MARCHF1: variants seen among roughly 807,000 people sequenced by gnomAD.
MARCHF1 encodes membrane associated ring-CH-type finger 1.
Under a neutral mutation model 54.2 loss-of-function variants are expected in MARCHF1, and 40 were observed. The ratio of observed to expected loss-of-function variants is 0.74; its 90% CI spans 0.57 to 0.96. The LOEUF is 0.96. Ranked by LOEUF, MARCHF1 falls within the 40% of genes least tolerant of loss-of-function variation. The probability of loss-of-function intolerance (pLI) is 0.00; values close to 1 mark genes in which losing one functional copy is unlikely to be tolerated. For missense variants in MARCHF1, 586 were observed against 656.5 expected (o/e 0.89, Z 1.17); for synonymous variants, 236 against 236.3 (o/e 1.00, Z 0.01).
chr4:163,742,402 C>T, intron 4 of MARCHF1, among the ~76,000 whole-genome samples: 1 of 87,394 alleles, frequency 1.1e-5, no homozygotes, highest in Non-Finnish European at 2.3e-5. Context: ...TTCCTCCCTT[C>T]CTTCCTTCCT....
intron 1 of MARCHF1, among the ~76,000 whole-genome samples, chr4:164,205,459 A>ATG (rs1731579851): frequency 6.6e-6 from 1 of 152,186 alleles, no homozygotes; most frequent in Non-Finnish European, 1.5e-5. Flanking sequence ...GCTACTATAA[A>ATG]CAGTTTTGCT....
intron 1 of MARCHF1, among the ~76,000 whole-genome samples, chr4:164,173,603 A>G (rs1730584908): frequency 6.6e-6 from 1 of 152,184 alleles, no homozygotes; most frequent in South Asian, 2.1e-4. Context: ...GCTTGGCACC[A>G]TCCTCACAGT....
chr4:164,170,242 C>T (rs938679668), intron 1 of MARCHF1, among the ~76,000 whole-genome samples: 1 of 152,050 alleles, frequency 6.6e-6, no homozygotes, highest in Non-Finnish European at 1.5e-5. Flanking sequence ...AAGAGTTGAA[C>T]TACACTGTCA....
intron 3 of MARCHF1, among the ~76,000 whole-genome samples, chr4:163,927,742 T>C (rs1045048991): frequency 1.1e-4 from 16 of 151,822 alleles, no homozygotes. Flanking sequence ...TGGTAAAATG[T>C]AAAATGCACC....
At chr4:164,286,730 T>TAAGCAG (rs1247352046) in intron 1 of MARCHF1, among the ~76,000 whole-genome samples, 1 of 149,288 alleles carries the variant, frequency 6.7e-6, no homozygotes, top group African/African-American at 2.4e-5. Context: ...TATATTTTTA[T>TAAGCAG]ATAATAAATC....
intron 1 of MARCHF1, among the ~76,000 whole-genome samples, chr4:164,143,778 A>C (rs372307710): frequency 0.014 from 2,074 of 152,294 alleles, 41 homozygotes; most frequent in African/African-American, 0.041. Context: ...TGAGCAAAAT[A>C]ACCAGCTAAC....
intron 7 of MARCHF1, among the ~76,000 whole-genome samples, chr4:163,604,340 T>TACCCTACCA (rs1741074766): frequency 6.6e-6 from 1 of 152,152 alleles, no homozygotes; most frequent in South Asian, 2.1e-4. Flanking sequence ...CTTGGTAGGG[T>TACCCTACCA]AGTAAATGGT....
rs1489200391 is a variant in MARCHF1, at chr4:163,591,060, T to G, written c.1011-5131A>C. On this transcript the variant is annotated intron_variant, in intron 7 of 9. Transcript: ENST00000514618. ...ACAATAATTATTAATAATCAATTATTTCATATGATTATTAATTAATTATTG... is the reference window on the plus strand; with the variant it reads ...ACAATAATTATTAATAATCAATTATGTCATATGATTATTAATTAATTATTG... Among the ~76,000 whole-genome samples the G allele has an allele frequency of 2.0e-5, 3 of 151,158 alleles. No homozygotes were observed. The East Asian group carries it at 5.8e-4, about 29-fold the overall frequency.
intron 1 of MARCHF1, among the ~76,000 whole-genome samples, chr4:164,254,011 T>A: frequency 6.6e-6 from 1 of 152,160 alleles, no homozygotes; most frequent in East Asian, 1.9e-4. Flanking sequence ...GTATGGAAGG[T>A]GGTGCTACTG....
At chr4:164,346,357 A>T (rs1298096814) in intron 1 of MARCHF1, among the ~76,000 whole-genome samples, 1 of 152,138 alleles carries the variant, frequency 6.6e-6, no homozygotes, top group East Asian at 1.9e-4. Flanking sequence ...TGGTAAAAAG[A>T]AAAACTCGTA....
intron 4 of MARCHF1, among the ~76,000 whole-genome samples, chr4:163,829,352 G>T (rs1445838851): frequency 1.3e-5 from 2 of 152,046 alleles, no homozygotes; most frequent in Admixed American, 1.3e-4. Context: ...AAGACTAGAG[G>T]TACTGTTTTA....
chr4:163,783,825 G>T (rs1232766374), intron 4 of MARCHF1, among the ~76,000 whole-genome samples: 1 of 152,090 alleles, frequency 6.6e-6, no homozygotes, highest in East Asian at 1.9e-4. Flanking sequence ...AAAGCAGGTA[G>T]TAGCAGCCAA....
intron 1 of MARCHF1, among the ~76,000 whole-genome samples, chr4:164,369,726 T>C (rs1252125037): frequency 6.6e-6 from 1 of 152,152 alleles, no homozygotes; most frequent in Non-Finnish European, 1.5e-5. Flanking sequence ...TACCATAAGA[T>C]TGATTTGAAG....
At chr4:163,945,189 GT>G (rs1406394141) in intron 3 of MARCHF1, among the ~76,000 whole-genome samples, 1 of 151,940 alleles carries the variant, frequency 6.6e-6, no homozygotes, top group Non-Finnish European at 1.5e-5. Context: ...GAAATGTCTG[GT>G]TTTCTCCTAA....
At chr4:164,145,584 T>A (rs1343336165) in intron 1 of MARCHF1, among the ~76,000 whole-genome samples, 1 of 152,140 alleles carries the variant, frequency 6.6e-6, no homozygotes, top group African/African-American at 2.4e-5. Context: ...CATGATTACC[T>A]CAATAGATTC....
At chr4:163,980,193 A>T (rs1752734004) in intron 3 of MARCHF1, among the ~76,000 whole-genome samples, 1 of 140,608 alleles carries the variant, frequency 7.1e-6, no homozygotes, top group Non-Finnish European at 1.5e-5. Flanking sequence ...AACAGAACAG[A>T]GCCCTCAGAA....
intron 5 of MARCHF1, among the ~76,000 whole-genome samples, chr4:163,632,969 G>A (rs1274834950): frequency 3.2e-4 from 48 of 152,062 alleles, no homozygotes; most frequent in Admixed American, 1.6e-3. Flanking sequence ...ACTAGGAGGC[G>A]CCCCCCAGCA....
chr4:163,867,635 G>A (rs1000881209), intron 3 of MARCHF1, among the ~76,000 whole-genome samples: 1 of 151,606 alleles, frequency 6.6e-6, no homozygotes, highest in Non-Finnish European at 1.5e-5. Context: ...TTTTTTTGCA[G>A]TAGGCTAATT....
chr4:163,706,513 T>C (rs1744953399), intron 4 of MARCHF1, among the ~76,000 whole-genome samples: 1 of 152,018 alleles, frequency 6.6e-6, no homozygotes, highest in Admixed American at 6.6e-5. Flanking sequence ...ACAAAAACCA[T>C]AAAATACTTA....
Sources: allele counts gnomAD v4.1 joint callset (sites outside exome capture counted in the v4.1 genomes callset), GRCh38; gene constraint gnomAD v4.1.1; transcripts MANE v1.5; gene names NCBI Gene and HGNC (gene_info 2026-07-23, HGNC 2026-07-21).